Variants in CLASP1 observed in about 807,000 individuals in gnomAD.
CLASP1 encodes CLIP-associating protein 1.
A neutral mutation model predicts 192.3 loss-of-function variants in CLASP1; 38 were observed. That is an observed-to-expected ratio of 0.20 (90% CI 0.15 to 0.26). CLASP1 has a LOEUF of 0.26. Ranked by LOEUF, CLASP1 falls within the 10% of genes least tolerant of loss-of-function variation. The pLI is 1.00. For missense variants in CLASP1, 1,433 were observed against 1,932.5 expected (o/e 0.74, Z 4.85); for synonymous variants, 691 against 712.8 (o/e 0.97, Z 0.49).
At chr2:121,389,403 G>T (rs1167088802) in intron 30 of CLASP1, among the ~76,000 whole-genome samples, 1 of 151,574 alleles carries the variant, frequency 6.6e-6, no homozygotes, top group Non-Finnish European at 1.5e-5. Flanking sequence ...TATTTGATAT[G>T]CATATTTGCA....
At chr2:121,637,692 C>G (rs867715250) in intron 1 of CLASP1, among the ~76,000 whole-genome samples, 1 of 152,058 alleles carries the variant, frequency 6.6e-6, no homozygotes, top group Non-Finnish European at 1.5e-5. Context: ...TTCAGACCAG[C>G]CTGGCCAACA....
chr2:121,363,365 A>C (rs997584627), intron 36 of CLASP1, 65 bp from the exon 38 acceptor site: 1 of 1,592,990 alleles, frequency 6.3e-7, no homozygotes, highest in Admixed American at 1.7e-5. Flanking sequence ...CACAGCAGTC[A>C]GCAGGGTCGG....
intron 34 of CLASP1, among the ~76,000 whole-genome samples, chr2:121,375,639 G>T (rs1434498942): frequency 1.3e-5 from 2 of 152,104 alleles, no homozygotes; most frequent in Non-Finnish European, 2.9e-5. Flanking sequence ...TGGGATTACA[G>T]GTGTGAGCCA....
intron 24 of CLASP1, among the ~76,000 whole-genome samples, chr2:121,409,706 A>T (rs968091279): frequency 3.9e-5 from 6 of 152,208 alleles, no homozygotes; most frequent in Non-Finnish European, 8.8e-5. Context: ...GGGTCTCTGA[A>T]CAAATAAGAT....
rs980747768 is a variant in CLASP1, at chr2:121,564,773, C to T, written c.196-34448G>A. 5.9e-5 allele frequency among the ~76,000 whole-genome samples: 9 copies of T among 152,228 alleles called. No individual in the cohort carries two copies. The South Asian group carries it at 6.2e-4, about 11-fold the overall frequency. On this transcript the variant is annotated intron_variant, in intron 2 of 39. Coordinates refer to ENST00000263710, the Ensembl canonical transcript of CLASP1. ...CAGCCATCAGCAAATAAATTTTTCC[C>T]CAAACACAATTTGAGAAGAAGAAAA...
chr2:121,561,752 C>G (rs148252357), intron 2 of CLASP1, among the ~76,000 whole-genome samples: 2 of 152,210 alleles, frequency 1.3e-5, no homozygotes, highest in African/African-American at 2.4e-5. Flanking sequence ...TTCTGAAATA[C>G]TGGGCTCTCT....
intron 1 of CLASP1, among the ~76,000 whole-genome samples, chr2:121,628,708 T>C (rs560295873): frequency 1.3e-5 from 2 of 149,824 alleles, no homozygotes; most frequent in South Asian, 2.1e-4. Flanking sequence ...TTGAATATAA[T>C]CAAATAAACA....
chr2:121,531,050 A>C (rs747868038), intron 2 of CLASP1: 6 of 697,522 alleles, frequency 8.6e-6, no homozygotes, highest in East Asian at 5.4e-5. Flanking sequence ...AAACAGCAGT[A>C]ATTCGTAAAT....
intron 34 of CLASP1, among the ~76,000 whole-genome samples, chr2:121,370,480 C>G (rs1039033991): frequency 6.6e-6 from 1 of 152,180 alleles, no homozygotes. Context: ...CATGTGCCAC[C>G]AAACCTGGCT....
chr2:121,430,161 T>C, exon 20 of CLASP1: 5 of 1,569,226 alleles, frequency 3.2e-6, no homozygotes, highest in East Asian at 2.4e-5. Context: ...AGCTTTGCCG[T>C]CTTGTGCGGA....
At chr2:121,531,040 A>G (rs374980404) in intron 2 of CLASP1, 28 of 699,036 alleles carry the variant, frequency 4.0e-5, no homozygotes, top group African/African-American at 5.2e-5. Flanking sequence ...TTATCAGTTC[A>G]AACAGCAGTA....
At chr2:121,419,090 T>C (rs1167120680) in intron 22 of CLASP1, among the ~76,000 whole-genome samples, 1 of 152,162 alleles carries the variant, frequency 6.6e-6, no homozygotes, top group Non-Finnish European at 1.5e-5. Flanking sequence ...TTAGCAAACT[T>C]CTCAACAAGA....
At chr2:121,581,822 T>G (rs2061201220) in intron 2 of CLASP1, among the ~76,000 whole-genome samples, 1 of 152,192 alleles carries the variant, frequency 6.6e-6, no homozygotes. Context: ...AAGGCAGAAG[T>G]TGCAGTGAGC....
chr2:121,470,197 A>T, intron 8 of CLASP1: 1 of 580,924 alleles, frequency 1.7e-6, no homozygotes, highest in Non-Finnish European at 3.2e-6. Flanking sequence ...CAAATTTTGA[A>T]AAATAGAACA....
At chr2:121,547,789 C>T (rs2057615339) in intron 2 of CLASP1, among the ~76,000 whole-genome samples, 1 of 152,054 alleles carries the variant, frequency 6.6e-6, no homozygotes, top group African/African-American at 2.4e-5. Flanking sequence ...GTGCCACATA[C>T]CAGATCACAA....
At chr2:121,588,322 T>C (rs1441734446) in intron 2 of CLASP1, among the ~76,000 whole-genome samples, 1 of 152,052 alleles carries the variant, frequency 6.6e-6, no homozygotes, top group Admixed American at 6.5e-5. Flanking sequence ...CCCTTATACA[T>C]ATCAATACCT....
chr2:121,512,205 C>A (rs1180469876), intron 7 of CLASP1, among the ~76,000 whole-genome samples: 1 of 152,160 alleles, frequency 6.6e-6, no homozygotes, highest in Non-Finnish European at 1.5e-5. Flanking sequence ...AAATGATGAT[C>A]CCAGAAGAAA....
At chr2:121,622,698 G>A (rs1223182868) in intron 1 of CLASP1, among the ~76,000 whole-genome samples, 1 of 152,018 alleles carries the variant, frequency 6.6e-6, no homozygotes, top group African/African-American at 2.4e-5. Flanking sequence ...CATTGTAAAT[G>A]TGTAACAATA....
intron 17 of CLASP1, 76 bp from the exon 18 acceptor site, chr2:121,448,401 T>G: frequency 8.0e-7 from 1 of 1,257,380 alleles, no homozygotes; most frequent in Non-Finnish European, 1.2e-6. Flanking sequence ...CAACAGGAAA[T>G]TATTACAATG....
Sources: allele counts gnomAD v4.1 joint callset (sites outside exome capture counted in the v4.1 genomes callset), GRCh38; gene constraint gnomAD v4.1.1; transcripts MANE v1.5; gene names NCBI Gene and HGNC (gene_info 2026-07-23, HGNC 2026-07-21).